Variants in CDK14 observed in about 807,000 individuals in gnomAD.
CDK14 encodes cyclin dependent kinase 14.
Under a neutral mutation model 60.7 loss-of-function variants are expected in CDK14, and 34 were observed. The observed-to-expected ratio is 0.56, with a 90% CI of 0.43 to 0.75. CDK14 has a LOEUF of 0.75. Among genes scored for constraint, CDK14 ranks in the 30% least tolerant of loss-of-function variants. The probability of loss-of-function intolerance (pLI) is 0.00; values close to 1 mark genes in which losing one functional copy is unlikely to be tolerated. For synonymous variants in CDK14, 197 were observed against 203.7 expected (o/e 0.97, Z 0.28); for missense variants, 482 against 564.1 (o/e 0.85, Z 1.47).
rs182854710 is a variant in CDK14, at chr7:91,188,336, C to T, written c.*29-18829C>T. On this transcript the variant is annotated intron_variant, in intron 14 of 14. Coordinates refer to ENST00000380050, the MANE Select transcript of CDK14 (RefSeq NM_001287135.2). ...TGTAATGAAATGCAAGTGTTTATAA[C>T]CTCTCAGTGGAATTGAGGAAAGAAG... is the stretch of plus-strand genomic sequence containing the variant. Among the ~76,000 whole-genome samples the T allele has an allele frequency of 2.2e-3, 330 of 152,246 alleles. 2 individuals carry two copies. Among genetic ancestry groups the T allele is most frequent in the Non-Finnish European group, 3.4e-3 (231 of 68,026 alleles).
intron 10 of CDK14, among the ~76,000 whole-genome samples, chr7:90,998,291 T>C (rs1373337185): frequency 1.3e-5 from 2 of 152,214 alleles, no homozygotes; most frequent in Non-Finnish European, 2.9e-5. Context: ...TTCCACTTAA[T>C]TTTGTTGTCA....
At chr7:90,919,879 G>A (rs558054784) in intron 8 of CDK14, among the ~76,000 whole-genome samples, 23 of 152,284 alleles carry the variant, frequency 1.5e-4, no homozygotes, top group African/African-American at 5.5e-4. Context: ...TTGCAATGTT[G>A]AGTGTTTTAA....
chr7:91,150,605 T>C (rs1800804414), intron 14 of CDK14, among the ~76,000 whole-genome samples: 2 of 152,202 alleles, frequency 1.3e-5, no homozygotes, highest in Non-Finnish European at 1.5e-5. Context: ...TCATTTTTAG[T>C]AAGAATTTGG....
At chr7:91,086,838 TTTGA>T (rs1243038604) in intron 12 of CDK14, among the ~76,000 whole-genome samples, 3 of 152,214 alleles carry the variant, frequency 2.0e-5, no homozygotes, top group Non-Finnish European at 2.9e-5. Flanking sequence ...ATCATTTTCA[TTTGA>T]TTAAGAAAAT....
chr7:91,165,292 G>A (rs1189990028), intron 14 of CDK14, among the ~76,000 whole-genome samples: 1 of 152,184 alleles, frequency 6.6e-6, no homozygotes, highest in Admixed American at 6.5e-5. Context: ...TAATAATCAT[G>A]TGCTGACATA....
chr7:90,679,162 C>T (rs757777692), intron 2 of CDK14, among the ~76,000 whole-genome samples: 3 of 152,180 alleles, frequency 2.0e-5, no homozygotes, highest in Non-Finnish European at 2.9e-5. Context: ...ATGTTGCCCA[C>T]GCTGGTATCA....
At chr7:91,166,362 C>T (rs749612536) in intron 14 of CDK14, among the ~76,000 whole-genome samples, 1 of 152,158 alleles carries the variant, frequency 6.6e-6, no homozygotes, top group South Asian at 2.1e-4. Flanking sequence ...TGAGGAGCTA[C>T]TGGCTTCAGA....
intron 8 of CDK14, among the ~76,000 whole-genome samples, chr7:90,926,572 A>T (rs1164786390): frequency 6.6e-6 from 1 of 152,034 alleles, no homozygotes; most frequent in Non-Finnish European, 1.5e-5. Flanking sequence ...AATGGGAGTA[A>T]ATTTTCTTTT....
intron 14 of CDK14, among the ~76,000 whole-genome samples, chr7:91,174,544 A>T (rs1342718390): frequency 6.7e-6 from 1 of 150,370 alleles, no homozygotes; most frequent in Non-Finnish European, 1.5e-5. Context: ...AAGGCAAAGA[A>T]GTTGAAAACT....
intron 14 of CDK14, among the ~76,000 whole-genome samples, chr7:91,140,928 A>T (rs927891197): frequency 3.3e-5 from 5 of 152,142 alleles, no homozygotes; most frequent in Non-Finnish European, 5.9e-5. Context: ...TGAAAAAAAA[A>T]ATCTAGACCA....
chr7:91,158,355 G>A (rs1044675682), intron 14 of CDK14, among the ~76,000 whole-genome samples: 1 of 151,914 alleles, frequency 6.6e-6, no homozygotes, highest in Admixed American at 6.6e-5. Context: ...TAGAACTACA[G>A]GCACATGCTA....
chr7:90,632,301 C>G (rs1260643856), intron 2 of CDK14: 1 of 283,856 alleles, frequency 3.5e-6, no homozygotes, highest in Non-Finnish European at 7.3e-6. Flanking sequence ...CTCAAGATAA[C>G]AAAACTGTCT....
At chr7:91,108,169 A>C (rs143612724) in intron 12 of CDK14, among the ~76,000 whole-genome samples, 1,989 of 152,302 alleles carry the variant, frequency 0.013, 22 homozygotes, top group Non-Finnish European at 0.017. Flanking sequence ...TTAGCCAGGC[A>C]TGGTGGCGCA....
intron 10 of CDK14, among the ~76,000 whole-genome samples, chr7:91,003,435 A>C (rs1795894788): frequency 6.6e-6 from 1 of 152,156 alleles, no homozygotes; most frequent in South Asian, 2.1e-4. Context: ...TGGTTTGCCT[A>C]CTGAAAAAGA....
chr7:90,869,556 C>A lies in CDK14; in HGVS notation c.639+6287C>A, dbSNP rs971166761. On this transcript the variant is annotated intron_variant, in intron 6 of 14. Transcript: ENST00000380050. ...GTGTTGAGCAGAGAAATTATTTGAT[C>A]TGACTCATATTTTATTGGATCTCTG... Among the ~76,000 whole-genome samples, 8 of 152,162 alleles carry A rather than the reference C, an allele frequency of 5.3e-5. No individual in the cohort carries two copies. The East Asian group carries it at 1.5e-3, about 29-fold the overall frequency.
In CDK14 at chr7:91,072,628, G is replaced by A. The variant is rs879539049; in HGVS notation, c.1106-6804G>A. Among the ~76,000 whole-genome samples the A allele has an allele frequency of 2.8e-4, 43 of 152,170 alleles. 1 individual carries two copies. The highest frequency in any genetic ancestry group is 1.9e-3 in the Admixed American group (29 of 15,288). ...CCAGAGTGCCTCTACTCCTTCAAAC[G>A]ATCGCAACAGCTCTCCAGCAATGGC... On this transcript the variant is annotated intron_variant, in intron 11 of 14. Transcript: ENST00000380050.
rs1293431476 is a variant in CDK14 at position 90,659,871 on chromosome 7, CTCTCTG to C, written c.123+55624_123+55629del. On this transcript the variant is annotated intron_variant, in intron 2 of 14. Transcript: ENST00000380050. ...TCTCTCTCTCTCTCTCTCTCTCTCT[CTCTCTG>C]TGTGTGTGTGTGTGTGTGTGTGTGC... Among the ~76,000 whole-genome samples the C allele has an allele frequency of 8.5e-3, 1,226 of 144,174 alleles. 21 individuals carry two copies. The highest frequency in any genetic ancestry group is 0.028 in the African/African-American group (1,061 of 37,908). 94.6% of individuals were successfully genotyped at this position (144,174 alleles called of 152,430 possible).
chr7:90,803,974 A>G (rs1460302203), intron 5 of CDK14, among the ~76,000 whole-genome samples: 1 of 152,192 alleles, frequency 6.6e-6, no homozygotes, highest in South Asian at 2.1e-4. Context: ...CTGGCACATG[A>G]TAGGCACTCA....
At chr7:91,121,406 T>C (rs1799779356) in intron 14 of CDK14, among the ~76,000 whole-genome samples, 1 of 152,164 alleles carries the variant, frequency 6.6e-6, no homozygotes. Flanking sequence ...ATGTGGAAAA[T>C]GCATTATATT....
Sources: gnomAD v4.1 joint callset for allele counts (sites outside exome capture counted in the v4.1 genomes callset) on GRCh38, gnomAD v4.1.1 for gene constraint, MANE v1.5 for transcripts, NCBI Gene and HGNC (gene_info 2026-07-23, HGNC 2026-07-21) for gene names.